The following MAP2K4 variants were observed in gnomAD, a reference collection of about 807,000 sequenced individuals.
The protein encoded by MAP2K4 is mitogen-activated protein kinase kinase 4.
A neutral mutation model predicts 48.5 loss-of-function variants in MAP2K4; 4 were observed. The ratio of observed to expected loss-of-function variants is 0.08; its 90% confidence interval spans 0.04 to 0.19. MAP2K4 has a LOEUF of 0.19. Among genes scored for constraint, MAP2K4 ranks in the 10% least tolerant of loss-of-function variants. The pLI, the probability that MAP2K4 is intolerant of heterozygous loss-of-function variation, is 1.00. For synonymous variants in MAP2K4, 166 were observed against 173.1 expected, an observed-to-expected ratio of 0.96 and a Z score of 0.32; for missense variants, 258 against 493.3, an observed-to-expected ratio of 0.52 and a Z score of 4.52.
At chr17:12,072,123 A>G (rs754988344) in intron 2 of MAP2K4, among the ~76,000 whole-genome samples, 4 of 152,232 alleles carry the variant, frequency 2.6e-5, no homozygotes, top group Admixed American at 6.5e-5. Context: ...AGCTTCTGAT[A>G]CAGACTTCAT....
At chr17:12,032,202 A>G in intron 1 of MAP2K4, 1 of 796,804 alleles carries the variant, frequency 1.3e-6, no homozygotes, top group African/African-American at 1.7e-5. Flanking sequence ...ATGCAATGTC[A>G]TGTTCCAATT....
At chr17:12,062,368 C>T (rs2151531983) in intron 2 of MAP2K4, among the ~76,000 whole-genome samples, 1 of 152,156 alleles carries the variant, frequency 6.6e-6, no homozygotes, top group Non-Finnish European at 1.5e-5. Context: ...CAGGATCTTG[C>T]TCTGTTGCCC....
chr17:12,032,204 G>T, intron 1 of MAP2K4: 3 of 837,518 alleles, frequency 3.6e-6, no homozygotes, highest in Non-Finnish European at 5.2e-6. Context: ...GCAATGTCAT[G>T]TTCCAATTTT....
intron 4 of MAP2K4, among the ~76,000 whole-genome samples, chr17:12,100,517 C>G (rs1474731592): frequency 1.3e-5 from 2 of 152,064 alleles, no homozygotes; most frequent in African/African-American, 2.4e-5. Context: ...AATAAAGTTG[C>G]TTTGAGCATT....
chr17:12,093,349 T>G (rs982479803), intron 3 of MAP2K4, among the ~76,000 whole-genome samples: 4 of 152,200 alleles, frequency 2.6e-5, no homozygotes, highest in African/African-American at 9.6e-5. Context: ...ATTGTCTCAG[T>G]GTTAGGTATC....
At chr17:12,024,103 C>T (rs973632356) in intron 1 of MAP2K4, among the ~76,000 whole-genome samples, 8 of 152,152 alleles carry the variant, frequency 5.3e-5, no homozygotes, top group Admixed American at 1.3e-4. Context: ...CATTATTGAG[C>T]AGTCCTTTCA....
At chr17:12,108,530 G>T (rs986361624) in intron 5 of MAP2K4, among the ~76,000 whole-genome samples, 1 of 149,954 alleles carries the variant, frequency 6.7e-6, no homozygotes, top group East Asian at 2.0e-4. Context: ...AAAGTGAATT[G>T]ATCACTTTGT....
chr17:12,034,563 A>G (rs1039324867), intron 1 of MAP2K4, among the ~76,000 whole-genome samples: 4 of 152,228 alleles, frequency 2.6e-5, no homozygotes, highest in Admixed American at 6.5e-5. Flanking sequence ...ACGAAATCAC[A>G]TATTGGACAC....
At chr17:12,037,987 A>G (rs1969653166) in intron 1 of MAP2K4, among the ~76,000 whole-genome samples, 1 of 152,162 alleles carries the variant, frequency 6.6e-6, no homozygotes, top group Admixed American at 6.5e-5. Context: ...CAGCTATTGC[A>G]CCTTAAAATA....
intron 4 of MAP2K4, among the ~76,000 whole-genome samples, chr17:12,097,557 T>A (rs1971798176): frequency 6.6e-6 from 1 of 152,246 alleles, no homozygotes; most frequent in African/African-American, 2.4e-5. Flanking sequence ...CATGGATAGC[T>A]GAGTCACATT....
chr17:12,028,716 C>T (rs1055829189), intron 1 of MAP2K4, among the ~76,000 whole-genome samples: 11 of 152,146 alleles, frequency 7.2e-5, no homozygotes, highest in African/African-American at 1.7e-4. Flanking sequence ...TCATAATGCA[C>T]TTTCAGCAGT....
chr17:12,132,070 A>G (rs1295935755), intron 9 of MAP2K4, among the ~76,000 whole-genome samples: 1 of 152,212 alleles, frequency 6.6e-6, no homozygotes, highest in Non-Finnish European at 1.5e-5. Context: ...CACAGTTTAA[A>G]ATACTGACAG....
chr17:12,047,355 T>C (rs1969999931), intron 1 of MAP2K4, among the ~76,000 whole-genome samples: 1 of 152,200 alleles, frequency 6.6e-6, no homozygotes, highest in Non-Finnish European at 1.5e-5. Flanking sequence ...GACTCTGTTA[T>C]GCATAGTAAT....
chr17:12,065,762 T>A (rs537829203), intron 2 of MAP2K4, among the ~76,000 whole-genome samples: 182 of 152,348 alleles, frequency 1.2e-3, no homozygotes, highest in African/African-American at 4.0e-3. Context: ...AGTGATAGAT[T>A]TTTTTACTCT....
chr17:12,100,387 C>T (rs1171895941), intron 4 of MAP2K4, among the ~76,000 whole-genome samples: 1 of 152,054 alleles, frequency 6.6e-6, no homozygotes, highest in Non-Finnish European at 1.5e-5. Context: ...ATTTATCAGT[C>T]ATTTATTTCT....
intron 2 of MAP2K4, among the ~76,000 whole-genome samples, chr17:12,071,078 G>A (rs1217858706): frequency 1.3e-5 from 2 of 152,186 alleles, no homozygotes; most frequent in Admixed American, 1.3e-4. Flanking sequence ...CCCTGTGTCT[G>A]TCTTGTGCAT....
intron 6 of MAP2K4, chr17:12,110,942 A>C (rs1205166198): frequency 6.5e-6 from 1 of 153,538 alleles, no homozygotes; most frequent in African/African-American, 2.4e-5. Context: ...TATTAGATAC[A>C]TATTCAAATG....
intron 4 of MAP2K4, among the ~76,000 whole-genome samples, chr17:12,095,927 G>GTGTGTGTGTGTGTGTGTGTA (rs919908493): frequency 2.8e-5 from 4 of 143,732 alleles, no homozygotes; most frequent in African/African-American, 7.7e-5. Flanking sequence ...GTGTGTGTGT[G>GTGTGTGTGTGTGTGTGTGTA]TATTTTAGTA....
intron 7 of MAP2K4, among the ~76,000 whole-genome samples, chr17:12,118,910 T>C (rs1049869289): frequency 6.6e-6 from 1 of 152,208 alleles, no homozygotes; most frequent in Non-Finnish European, 1.5e-5. Flanking sequence ...CTTGGATGGA[T>C]TCCATATGTT....
Sources: allele counts gnomAD v4.1 joint callset (sites outside exome capture counted in the v4.1 genomes callset), GRCh38; gene constraint gnomAD v4.1.1; transcripts MANE v1.5; gene names NCBI Gene and HGNC (gene_info 2026-07-23, HGNC 2026-07-21).